Variants in HACL1 observed in about 807,000 individuals in gnomAD.
HACL1 encodes 2-hydroxyacyl-CoA lyase 1.
In HACL1, 64 loss-of-function variants were observed where a neutral mutation model predicts 74.2. That is an observed-to-expected ratio of 0.86 (90% CI 0.70 to 1.06). The LOEUF is 1.06. Among genes scored for constraint, HACL1 ranks in the 50% least tolerant of loss-of-function variants. HACL1 has a pLI of 0.00. For missense variants in HACL1, 728 were observed against 719.7 expected (o/e 1.01, Z -0.13); for synonymous variants, 230 against 238.8 (o/e 0.96, Z 0.34).
At chr3:15,592,583 T>G (rs1307454709) in intron 3 of HACL1, among the ~76,000 whole-genome samples, 1 of 137,680 alleles carries the variant, frequency 7.3e-6, no homozygotes, top group South Asian at 2.3e-4. Context: ...CGCACATGTG[T>G]GCGTGTATAC....
intron 14 of HACL1, 44 bp from the exon 15 acceptor site, chr3:15,564,702 A>T (rs1489109510): frequency 1.3e-6 from 1 of 793,238 alleles, no homozygotes; most frequent in Admixed American, 2.8e-5. Flanking sequence ...CTTCATTTTA[A>T]AGTAATTTCT....
In HACL1 at chr3:15,592,284, G is replaced by GTA. The variant is rs1175353992; in HGVS notation, c.228-606_228-605dup. Among the ~76,000 whole-genome samples, 196 of 145,902 alleles carry GTA rather than the reference G, an allele frequency of 1.3e-3. 16 individuals carry two copies. The highest frequency in any genetic ancestry group is 4.7e-3 in the African/African-American group (175 of 37,342). ...GATCCATATATACGTATACATACGTGTATATGTATACATACGTATATATAT... is the reference window on the plus strand; with the variant it reads ...GATCCATATATACGTATACATACGTGTATATATGTATACATACGTATATATAT... On this transcript the variant is annotated intron_variant, in intron 3 of 16. Coordinates refer to ENST00000321169, the MANE Select transcript of HACL1 (RefSeq NM_012260.4).
At chr3:15,593,176 T>C (rs1158108903) in intron 3 of HACL1, among the ~76,000 whole-genome samples, 2 of 150,114 alleles carry the variant, frequency 1.3e-5, no homozygotes, top group Non-Finnish European at 3.0e-5. Flanking sequence ...TATATGTGTG[T>C]ATATATACAC....
At chr3:15,593,025 T>C (rs62637888) in intron 3 of HACL1, among the ~76,000 whole-genome samples, 66,872 of 93,020 alleles carry the variant, frequency 0.72, 29,627 homozygotes, top group Middle Eastern at 0.88. Context: ...CATGTACGCA[T>C]ATGTACATAT....
At chr3:15,580,912 T>C (rs998707495) in intron 8 of HACL1, among the ~76,000 whole-genome samples, 3 of 152,258 alleles carry the variant, frequency 2.0e-5, no homozygotes, top group African/African-American at 7.2e-5. Context: ...TTTTTGTTGT[T>C]GTTGTTGAGG....
At chr3:15,568,183 A>G (rs2063468080) in intron 13 of HACL1, among the ~76,000 whole-genome samples, 181 bp from the exon 14 acceptor site, 1 of 152,238 alleles carries the variant, frequency 6.6e-6, no homozygotes, top group African/African-American at 2.4e-5. Context: ...GATAGAAAAA[A>G]GCCACCCATG....
intron 16 of HACL1, among the ~76,000 whole-genome samples, chr3:15,561,956 C>A (rs1197782532): frequency 6.6e-6 from 1 of 152,108 alleles, no homozygotes; most frequent in Non-Finnish European, 1.5e-5. Flanking sequence ...CTGGGATTAC[C>A]GTGCCCAGCC....
rs181457974 is a variant in HACL1 at position 15,565,991 on chromosome 3, G to C, written c.1410-1333C>G. Among the ~76,000 whole-genome samples, 935 of 152,194 alleles carry C rather than the reference G, an allele frequency of 6.1e-3. 5 individuals carry two copies. The highest frequency in any genetic ancestry group is 9.8e-3 in the Admixed American group (150 of 15,278). The stretch of plus-strand genomic sequence containing the variant: ...TCTAGACATCATTAAAAATATATGG[G>C]GGGTATGCATAGGTTATTTGCAAAT... On this transcript the variant is annotated intron_variant, in intron 14 of 16. Coordinates refer to ENST00000321169, the MANE Select transcript of HACL1 (RefSeq NM_012260.4).
At chr3:15,571,895 A>G (rs2063543244) in intron 11 of HACL1, 126 bp from the exon 12 acceptor site, 2 of 510,836 alleles carry the variant, frequency 3.9e-6, no homozygotes, top group South Asian at 4.6e-5. Context: ...GCTGGAGTGC[A>G]GTGGCGCAAT....
rs1417762114 is a variant in HACL1, at chr3:15,601,143, T to A, written c.133A>T (p.Ile45Phe). 6.2e-7 allele frequency: 1 copy of A among 1,614,048 alleles called. No homozygotes were observed. The highest frequency in any genetic ancestry group is 8.5e-7 in the Non-Finnish European group (1 of 1,179,908). Residue 45 changes from isoleucine to phenylalanine, a missense_variant, in exon 2 of 17, where the codon ATT becomes TTT. By Grantham distance (21) the Ile-to-Phe change is conservative (BLOSUM62 0). Transcript: ENST00000321169. ...TTGATGCCTAGCTGCTGGGCAGCAA[T>A]GGCGATTTCGGTCACTGGGATGCCT... ...IVGIPVTEIAIAAQQLGIKYI... is the reference protein window; with the variant it reads ...IVGIPVTEIAFAAQQLGIKYI...
chr3:15,592,221 T>C (rs57694801), intron 3 of HACL1, among the ~76,000 whole-genome samples: 1 of 120,916 alleles, frequency 8.3e-6, no homozygotes. Flanking sequence ...TGTATATATG[T>C]ATACATACGT....
chr3:15,571,760 CCT>C lies in HACL1; in HGVS notation c.1001_1002del (p.Glu334GlyfsTer3). ...TACTGCCATGGTGTTTTATCAAGTT[CCT>C]CTAAAAGCTTAAAAAAAAAAAAACA... is the stretch of plus-strand genomic sequence containing the variant. ...NIHAVTKQLL[E>X]ELDKTPWQYP... is the part of the protein sequence containing the mutation. On this transcript the variant is annotated frameshift_variant, in exon 12 of 17. Coordinates refer to ENST00000321169, the MANE Select transcript of HACL1 (RefSeq NM_012260.4). LOFTEE classifies it high-confidence loss of function. 1 of 1,313,292 alleles carries C rather than the reference CCT, an allele frequency of 7.6e-7. No homozygotes were observed. The highest frequency in any genetic ancestry group is 1.1e-6 in the Non-Finnish European group (1 of 929,724). 81.4% of individuals were successfully genotyped at this position (1,313,292 alleles called of 1,614,324 possible).
At position 15,582,948 on chromosome 3, in the gene HACL1, T is replaced by C. The variant is rs749288783; in HGVS notation, c.596A>G (p.Glu199Gly). ...RCMSPPISMA[E>G]TSAVCTAASV... is the part of the protein sequence containing the mutation. ...AGCCGCCGTGCACACAGCAGAGGTT[T>C]CTGCCATGCTAATAGGAGGTGACAT... The change falls in exon 8 of 17, where the codon GAA (glutamate) becomes GGA (glycine). Residue 199 changes from glutamate to glycine, a missense_variant. Transcript: ENST00000321169. The C allele has an allele frequency of 6.2e-7, 1 of 1,611,604 alleles. No individual in the cohort carries two copies. Among genetic ancestry groups the C allele is most frequent in the Non-Finnish European group, 8.5e-7 (1 of 1,178,302 alleles).
intron 3 of HACL1, among the ~76,000 whole-genome samples, chr3:15,592,530 A>ATGTATACACATGTACGCACGTGTGCG (rs1559561899): frequency 3.5e-5 from 5 of 144,116 alleles, no homozygotes; most frequent in East Asian, 4.2e-4. Flanking sequence ...ACATATACAC[A>ATGTATACACATGTACGCACGTGTGCG]TGTATACACA....
At chr3:15,572,168 T>C (rs1171447032) in intron 11 of HACL1, among the ~76,000 whole-genome samples, 1 of 152,108 alleles carries the variant, frequency 6.6e-6, no homozygotes, top group African/African-American at 2.4e-5. Flanking sequence ...TTAAATCATA[T>C]TAACACGGAA....
chr3:15,587,357 A>G (rs989431994), intron 5 of HACL1, among the ~76,000 whole-genome samples: 4 of 148,120 alleles, frequency 2.7e-5, no homozygotes, highest in East Asian at 2.0e-4. Context: ...TCAGATCTAT[A>G]TATCTTGAGG....
chr3:15,588,804 A>ATTTTTTTTTTTTTTTTT (rs1553644278), intron 5 of HACL1, among the ~76,000 whole-genome samples: 6 of 149,630 alleles, frequency 4.0e-5, no homozygotes, highest in Non-Finnish European at 4.5e-5. Context: ...GTTTCTTTTA[A>ATTTTTTTTTTTTTTTTT]TTTTGACATG....
In HACL1 at chr3:15,560,769, T is replaced by G; in HGVS notation, c.*96A>C. 1.2e-6 allele frequency: 1 copy of G among 820,360 alleles called. No homozygotes were observed. The highest frequency in any genetic ancestry group is 2.1e-6 in the Non-Finnish European group (1 of 481,854). 50.8% of individuals were successfully genotyped at this position (820,360 alleles called of 1,614,324 possible). A position where few individuals can be genotyped will look rare whatever the true frequency, so the allele number is the denominator to read the frequency against. ...TGTCATTTTAAATGTTTATTTTATT[T>G]TGCACAATTTTAACAGTAGAGTAAT... On this transcript the variant is annotated 3_prime_UTR_variant, in exon 17 of 17. Coordinates refer to ENST00000321169, the MANE Select transcript of HACL1 (RefSeq NM_012260.4).
At position 15,564,194 on chromosome 3, in the gene HACL1, A is replaced by G. The variant is rs377453855; in HGVS notation, c.1517+357T>C. Among the ~76,000 whole-genome samples, 28 of 152,342 alleles carry G rather than the reference A, an allele frequency of 1.8e-4. No individual in the cohort carries two copies. The South Asian group carries it at 5.2e-3, about 28-fold the overall frequency. On this transcript the variant is annotated intron_variant, in intron 15 of 16. Coordinates refer to ENST00000321169, the MANE Select transcript of HACL1 (RefSeq NM_012260.4). Reference sequence around the variant, plus strand: ...TGGTGAAAGGAAGGTAGACCTCTGGAACACAAATAATACGTAAACATCCAC... The same window carrying G: ...TGGTGAAAGGAAGGTAGACCTCTGGGACACAAATAATACGTAAACATCCAC...
Sources: allele counts gnomAD v4.1 joint callset (sites outside exome capture counted in the v4.1 genomes callset), GRCh38; gene constraint gnomAD v4.1.1; transcripts MANE v1.5; gene names NCBI Gene and HGNC (gene_info 2026-07-23, HGNC 2026-07-21).